The following ARB2A variants were observed in gnomAD, a reference collection of about 807,000 sequenced individuals.
ARB2A encodes the protein ARB2 cotranscriptional regulator A.
chr5:93,899,780 A>G, the ARB2A span, among the ~76,000 whole-genome samples: 1 of 152,196 alleles, frequency 6.6e-6, no homozygotes, highest in Admixed American at 6.6e-5. Flanking sequence ...CACATAGTAG[A>G]TTATGCCAGT....
chr5:93,855,190 T>C, the ARB2A span, among the ~76,000 whole-genome samples: 1 of 152,230 alleles, frequency 6.6e-6, no homozygotes, highest in Admixed American at 6.5e-5. Context: ...TCTTGTTGAA[T>C]TGATCCCTGT....
At chr5:94,007,030 T>C in the ARB2A span, among the ~76,000 whole-genome samples, 1 of 152,214 alleles carries the variant, frequency 6.6e-6, no homozygotes. Flanking sequence ...TTCTTGCCAC[T>C]GATTGCATCT....
the ARB2A span, among the ~76,000 whole-genome samples, chr5:93,897,576 A>G: frequency 6.6e-6 from 1 of 151,986 alleles, no homozygotes. Context: ...CTTAAAAAGT[A>G]GTTTTGAAAA....
the ARB2A span, among the ~76,000 whole-genome samples, chr5:93,982,020 T>C: frequency 6.6e-6 from 1 of 152,120 alleles, no homozygotes; most frequent in Non-Finnish European, 1.5e-5. Context: ...TCACTTCACA[T>C]TGCTAGGAGT....
At chr5:93,794,296 T>C in the ARB2A span, among the ~76,000 whole-genome samples, 1 of 151,984 alleles carries the variant, frequency 6.6e-6, no homozygotes, top group Non-Finnish European at 1.5e-5. Flanking sequence ...TTATATTATC[T>C]ATTTCACTGA....
the ARB2A span, among the ~76,000 whole-genome samples, chr5:93,819,857 C>A: frequency 1.3e-5 from 2 of 152,220 alleles, no homozygotes. Flanking sequence ...TGCCTGGAGG[C>A]CAGGGAGCCC....
the ARB2A span, among the ~76,000 whole-genome samples, chr5:93,786,449 T>C: frequency 6.6e-6 from 1 of 152,222 alleles, no homozygotes; most frequent in Non-Finnish European, 1.5e-5. Flanking sequence ...TATGATACTC[T>C]CTTACACTGT....
chr5:93,850,504 C>T, the ARB2A span, among the ~76,000 whole-genome samples: 6 of 152,078 alleles, frequency 3.9e-5, no homozygotes, highest in Non-Finnish European at 7.3e-5. Flanking sequence ...AGCAGGGGGC[C>T]CGTGCACACT....
the ARB2A span, among the ~76,000 whole-genome samples, chr5:93,976,376 C>G: frequency 6.6e-6 from 1 of 152,138 alleles, no homozygotes; most frequent in South Asian, 2.1e-4. Context: ...CACTCCTATT[C>G]AAGATAGTAC....
the ARB2A span, among the ~76,000 whole-genome samples, chr5:94,058,781 TG>T: frequency 6.6e-6 from 1 of 152,148 alleles, no homozygotes; most frequent in African/African-American, 2.4e-5. Context: ...TGACATAGTT[TG>T]GATGTTTGTC....
chr5:93,834,180 A>G, the ARB2A span, among the ~76,000 whole-genome samples: 1 of 152,218 alleles, frequency 6.6e-6, no homozygotes, highest in African/African-American at 2.4e-5. Context: ...AGAAAGAGTA[A>G]TAAGTGATAG....
the ARB2A span, among the ~76,000 whole-genome samples, chr5:93,766,081 A>T: frequency 6.6e-6 from 1 of 152,214 alleles, no homozygotes; most frequent in East Asian, 1.9e-4. Context: ...AAACCATAAA[A>T]ATCCTAGAAG....
chr5:93,883,411 A>AT, the ARB2A span, among the ~76,000 whole-genome samples: 138,004 of 151,226 alleles, frequency 0.91, 63,322 homozygotes, highest in East Asian at 1. Context: ...GCAAAAGAGA[A>AT]TTTTTTTTAA....
the ARB2A span, among the ~76,000 whole-genome samples, chr5:93,956,512 G>A: frequency 6.6e-6 from 1 of 151,920 alleles, no homozygotes; most frequent in Non-Finnish European, 1.5e-5. Context: ...ATATTGTGTG[G>A]CCCCCAAAAT....
At chr5:93,897,211 C>CT in the ARB2A span, among the ~76,000 whole-genome samples, 1 of 152,000 alleles carries the variant, frequency 6.6e-6, no homozygotes, top group Non-Finnish European at 1.5e-5. Context: ...TAAACTACTC[C>CT]TGCCATGCTT....
chr5:94,094,582 C>T, the ARB2A span, among the ~76,000 whole-genome samples: 1 of 152,138 alleles, frequency 6.6e-6, no homozygotes, highest in Admixed American at 6.5e-5. Context: ...ATATTTTCCC[C>T]AATATCCTCT....
the ARB2A span, among the ~76,000 whole-genome samples, chr5:94,079,980 T>C: frequency 2.6e-5 from 4 of 152,202 alleles, no homozygotes; most frequent in Non-Finnish European, 5.9e-5. Context: ...TATAAAATCT[T>C]AGAATATCTG....
chr5:94,108,375 T>C, the ARB2A span, among the ~76,000 whole-genome samples: 159 of 149,372 alleles, frequency 1.1e-3, no homozygotes, highest in African/African-American at 3.2e-3. Context: ...GAAGATGGTG[T>C]ATTTTTTTTT....
the ARB2A span, among the ~76,000 whole-genome samples, chr5:93,766,046 A>G: frequency 6.6e-6 from 1 of 152,234 alleles, no homozygotes; most frequent in Admixed American, 6.5e-5. Flanking sequence ...TTCAAGATGC[A>G]TTAAAGACTT....
Sources: gnomAD v4.1 joint callset for allele counts (sites outside exome capture counted in the v4.1 genomes callset) on GRCh38, gnomAD v4.1.1 for gene constraint, MANE v1.5 for transcripts, NCBI Gene and HGNC (gene_info 2026-07-23, HGNC 2026-07-21) for gene names.